The following CTIF variants were observed in gnomAD, a reference collection of about 807,000 sequenced individuals.
CTIF encodes the protein cap binding complex dependent translation initiation factor, also known as CBP80/20-dependent translation initiation factor.
Under a neutral mutation model 66.0 loss-of-function variants are expected in CTIF, and 21 were observed. The ratio of observed to expected loss-of-function variants is 0.32; its 90% CI spans 0.23 to 0.46. The LOEUF is 0.46. Ranked by LOEUF, CTIF falls within the 20% of genes least tolerant of loss-of-function variation. The pLI, the probability that CTIF is intolerant of heterozygous loss-of-function variation, is 1.00. For synonymous variants in CTIF, 345 were observed against 326.4 expected, an observed-to-expected ratio of 1.06 and a Z score of -0.62; for missense variants, 739 against 812.7, an observed-to-expected ratio of 0.91 and a Z score of 1.10.
chr18:48,793,910 C>A (rs907218179), intron 9 of CTIF, among the ~76,000 whole-genome samples: 1 of 152,214 alleles, frequency 6.6e-6, no homozygotes, highest in Non-Finnish European at 1.5e-5. Flanking sequence ...CCCAGCCTTG[C>A]AGATGAGATC....
chr18:48,560,117 G>A (rs992316873), intron 1 of CTIF, among the ~76,000 whole-genome samples: 1 of 152,110 alleles, frequency 6.6e-6, no homozygotes, highest in Admixed American at 6.5e-5. Flanking sequence ...AGTCTCTGGA[G>A]TGTCACTTCC....
Position 48,859,605 on chromosome 18 carries a change from GTGCACAGGGCCAGA to G in CTIF, c.*49_*62del. On this transcript the variant is annotated 3_prime_UTR_variant, in exon 12 of 12. Coordinates refer to ENST00000256413, the MANE Select transcript of CTIF (RefSeq NM_014772.3). The stretch of plus-strand genomic sequence containing the variant: ...CGGCCCACGGGCAGCTGGGGCCCTG[GTGCACAGGGCCAGA>G]TGGACAGGCGGGAGGACAGGGGTGG... The G allele has an allele frequency of 6.4e-7, 1 of 1,555,824 alleles. No individual in the cohort carries two copies. The highest frequency in any genetic ancestry group is 8.9e-7 in the Non-Finnish European group (1 of 1,127,498).
At chr18:48,668,637 C>T (rs539400887) in intron 5 of CTIF, among the ~76,000 whole-genome samples, 1 of 152,216 alleles carries the variant, frequency 6.6e-6, no homozygotes, top group East Asian at 1.9e-4. Context: ...CTAACATGCT[C>T]TAGCCACAGC....
chr18:48,553,770 C>T (rs529808719), intron 1 of CTIF, among the ~76,000 whole-genome samples: 97 of 151,964 alleles, frequency 6.4e-4, no homozygotes, highest in Non-Finnish European at 1.1e-3. Context: ...ATTCTCCTGC[C>T]TCAGCCTCCC....
chr18:48,731,615 G>C (rs1171705084), intron 7 of CTIF, among the ~76,000 whole-genome samples: 1 of 152,088 alleles, frequency 6.6e-6, no homozygotes, highest in African/African-American at 2.4e-5. Flanking sequence ...TGGATGGATG[G>C]GATTTCTTCA....
chr18:48,626,000 C>CTTTT (rs74174709), intron 2 of CTIF, among the ~76,000 whole-genome samples: 1,905 of 108,986 alleles, frequency 0.017, 79 homozygotes, highest in African/African-American at 0.063. Flanking sequence ...CTTTTTCTTT[C>CTTTT]TTTTTTTTTT....
chr18:48,852,233 T>TACAAAAAA (rs2069219731), intron 10 of CTIF, among the ~76,000 whole-genome samples: 1 of 66,596 alleles, frequency 1.5e-5, no homozygotes, highest in Non-Finnish European at 2.8e-5. Flanking sequence ...GACCCTGTCT[T>TACAAAAAA]AAAAAAAAAA....
At chr18:48,671,052 G>A (rs994663895) in intron 6 of CTIF, among the ~76,000 whole-genome samples, 1 of 152,174 alleles carries the variant, frequency 6.6e-6, no homozygotes. Context: ...CCCTTGGCCT[G>A]AAACCTCTCT....
intron 1 of CTIF, chr18:48,540,426 G>C (rs1034614974): frequency 6.6e-6 from 1 of 152,200 alleles, no homozygotes; most frequent in African/African-American, 2.4e-5. Flanking sequence ...TCGGAGGGCC[G>C]CGTGCCGGTG....
intron 9 of CTIF, among the ~76,000 whole-genome samples, chr18:48,806,998 T>C (rs947575149): frequency 6.6e-6 from 1 of 152,166 alleles, no homozygotes; most frequent in Non-Finnish European, 1.5e-5. Flanking sequence ...GGCTTTGAAA[T>C]GGCTGCCACC....
chr18:48,667,495 G>A (rs191349807), intron 5 of CTIF, among the ~76,000 whole-genome samples: 6 of 152,266 alleles, frequency 3.9e-5, no homozygotes, highest in Admixed American at 6.5e-5. Flanking sequence ...AGATCGAAGC[G>A]ATGGTGCTGC....
chr18:48,571,743 G>C (rs781657142), intron 1 of CTIF, among the ~76,000 whole-genome samples: 4 of 151,952 alleles, frequency 2.6e-5, no homozygotes, highest in Non-Finnish European at 4.4e-5. Flanking sequence ...TCTTTTGCTT[G>C]GACACTGTAT....
At chr18:48,787,418 C>A (rs531377445) in intron 9 of CTIF, among the ~76,000 whole-genome samples, 9 of 152,240 alleles carry the variant, frequency 5.9e-5, no homozygotes, top group Non-Finnish European at 1.0e-4. Context: ...AGGAGACTCA[C>A]ATCTCAGAAG....
intron 7 of CTIF, chr18:48,755,870 A>G (rs1224229903): frequency 1.3e-5 from 2 of 152,254 alleles, no homozygotes; most frequent in Non-Finnish European, 2.9e-5. Context: ...GACACTGTAT[A>G]TAAAAAGAAA....
intron 6 of CTIF, among the ~76,000 whole-genome samples, chr18:48,678,959 C>G (rs1380964039): frequency 6.6e-6 from 1 of 152,230 alleles, no homozygotes; most frequent in Non-Finnish European, 1.5e-5. Flanking sequence ...CACCCATTCA[C>G]TTGCTTCCTG....
At chr18:48,564,255 C>T (rs112616912) in intron 1 of CTIF, among the ~76,000 whole-genome samples, 1,742 of 152,282 alleles carry the variant, frequency 0.011, 28 homozygotes, top group African/African-American at 0.04. Flanking sequence ...GGTACCCAGA[C>T]GTGTTGCCTG....
chr18:48,722,382 AATTTTTT>A (rs1381469962), intron 7 of CTIF, among the ~76,000 whole-genome samples: 3 of 151,430 alleles, frequency 2.0e-5, no homozygotes, highest in African/African-American at 7.3e-5. Context: ...CACTTGGCTA[AATTTTTT>A]ATTTTTTATT....
At position 48,738,046 on chromosome 18, in the gene CTIF, C is replaced by G. The variant is rs2092519345; in HGVS notation, c.585-19873C>G. ...TTCCAAAACCAAGCTTCCATCTGCCCCAAGCCTGCCCCACTCCCTCTGTCT... is the reference window on the plus strand; with the variant it reads ...TTCCAAAACCAAGCTTCCATCTGCCGCAAGCCTGCCCCACTCCCTCTGTCT... On this transcript the variant is annotated intron_variant, in intron 7 of 11. Transcript: ENST00000256413. 4.6e-5 allele frequency among the ~76,000 whole-genome samples: 7 copies of G among 152,308 alleles called. No individual in the cohort carries two copies. The South Asian group carries it at 1.5e-3, about 32-fold the overall frequency.
intron 10 of CTIF, among the ~76,000 whole-genome samples, chr18:48,856,207 C>T (rs893934578): frequency 6.6e-6 from 1 of 152,188 alleles, no homozygotes; most frequent in African/African-American, 2.4e-5. Flanking sequence ...TGTCAGCACA[C>T]CAGTGCTGCT....
Sources: gnomAD v4.1 joint callset for allele counts (sites outside exome capture counted in the v4.1 genomes callset) on GRCh38, gnomAD v4.1.1 for gene constraint, MANE v1.5 for transcripts, NCBI Gene and HGNC (gene_info 2026-07-23, HGNC 2026-07-21) for gene names.